Variants in CSGALNACT1 observed in about 807,000 individuals in gnomAD.
CSGALNACT1 encodes chondroitin sulfate N-acetylgalactosaminyltransferase 1, also known as beta4GalNAcT-1.
Under a neutral mutation model 51.0 loss-of-function variants are expected in CSGALNACT1, and 52 were observed. The ratio of observed to expected loss-of-function variants is 1.02; its 90% CI spans 0.82 to 1.29. The LOEUF (loss-of-function observed/expected upper bound fraction) is 1.29, where lower values mean the gene tolerates loss of function less well. Ranked by LOEUF, CSGALNACT1 falls within the 50% of genes most tolerant of loss-of-function variation. The pLI, the probability that CSGALNACT1 is intolerant of heterozygous loss-of-function variation, is 0.00. For missense variants in CSGALNACT1, 935 were observed against 679.2 expected, an observed-to-expected ratio of 1.38 and a Z score of -4.19; for synonymous variants, 341 against 254.4, an observed-to-expected ratio of 1.34 and a Z score of -3.24.
chr8:19,443,654 G>A (rs116724162), intron 5 of CSGALNACT1, among the ~76,000 whole-genome samples: 2 of 152,158 alleles, frequency 1.3e-5, no homozygotes, highest in Non-Finnish European at 2.9e-5. Context: ...AACTGCACTC[G>A]TGATTCAATG....
In CSGALNACT1 at chr8:19,471,140, G is replaced by GA. The variant is rs1364971071; in HGVS notation, c.635-12499dup. Among the ~76,000 whole-genome samples, 39 of 148,736 alleles carry GA rather than the reference G, an allele frequency of 2.6e-4. 1 individual carries two copies. The highest frequency in any genetic ancestry group is 2.3e-3 in the East Asian group (12 of 5,114). Reference sequence around the variant, plus strand: ...AAAGGAGAGAGAGGGGAGAGAGAGAGAAAAAAAAAGGTGAAGTATGATCTT... The same window carrying GA: ...AAAGGAGAGAGAGGGGAGAGAGAGAGAAAAAAAAAAGGTGAAGTATGATCTT... On this transcript the variant is annotated intron_variant, in intron 4 of 9. Coordinates refer to ENST00000454498, the Ensembl canonical transcript of CSGALNACT1.
intron 1 of CSGALNACT1, among the ~76,000 whole-genome samples, chr8:19,638,366 C>T (rs1023660648): frequency 1.3e-5 from 2 of 152,096 alleles, no homozygotes; most frequent in African/African-American, 4.8e-5. Flanking sequence ...CCCCAAGTGG[C>T]GATCACACCC....
chr8:19,755,369 T>C (rs2071779855), intron 1 of CSGALNACT1, among the ~76,000 whole-genome samples: 1 of 144,128 alleles, frequency 6.9e-6, no homozygotes, highest in Non-Finnish European at 1.5e-5. Context: ...GAATAGAAAG[T>C]AGGGTTACAA....
intron 7 of CSGALNACT1, 51 bp from the exon 7 acceptor site, chr8:19,418,801 G>T (rs375164938): frequency 9.1e-6 from 12 of 1,319,988 alleles, no homozygotes; most frequent in Non-Finnish European, 1.3e-5. Context: ...CCAAGTAGTA[G>T]GTTTGTTCCT....
At chr8:19,614,842 G>A (rs1480621297) in intron 1 of CSGALNACT1, among the ~76,000 whole-genome samples, 1 of 152,192 alleles carries the variant, frequency 6.6e-6, no homozygotes, top group African/African-American at 2.4e-5. Flanking sequence ...GCCCTTGCTG[G>A]CCACTGGCTG....
upstream of CSGALNACT1, among the ~76,000 whole-genome samples, chr8:19,603,044 G>GTA (rs1491096288): frequency 1.0e-5 from 1 of 100,258 alleles, no homozygotes; most frequent in Non-Finnish European, 1.9e-5. Context: ...ATTACTGTGT[G>GTA]TATACACACA....
chr8:19,501,926 C>T (rs182144629), intron 4 of CSGALNACT1, among the ~76,000 whole-genome samples: 70 of 152,150 alleles, frequency 4.6e-4, no homozygotes, highest in African/African-American at 9.2e-4. Context: ...ACTGCGATTA[C>T]GTAAGAATCC....
chr8:19,429,859 T>G (rs1164562125), intron 6 of CSGALNACT1, among the ~76,000 whole-genome samples: 1 of 152,230 alleles, frequency 6.6e-6, no homozygotes, highest in African/African-American at 2.4e-5. Flanking sequence ...AGACAAGAGT[T>G]CCAATTTCTC....
intron 1 of CSGALNACT1, among the ~76,000 whole-genome samples, chr8:19,688,047 C>A (rs1418177242): frequency 6.6e-6 from 1 of 152,164 alleles, no homozygotes; most frequent in African/African-American, 2.4e-5. Flanking sequence ...AATCTCACAG[C>A]CCTCCTCTCA....
chr8:19,583,355 G>T (rs765498559), intron 3 of CSGALNACT1, among the ~76,000 whole-genome samples: 10 of 152,100 alleles, frequency 6.6e-5, no homozygotes, highest in Non-Finnish European at 1.3e-4. Context: ...GCCCTCAGAA[G>T]TTCCTTTGGA....
chr8:19,664,646 AAC>A (rs34245346), intron 1 of CSGALNACT1, among the ~76,000 whole-genome samples: 25,530 of 150,488 alleles, frequency 0.17, 2,287 homozygotes, highest in Middle Eastern at 0.22. Flanking sequence ...CAAACACACA[AAC>A]ACACACACAC....
chr8:19,619,305 G>A (rs1201846363), intron 1 of CSGALNACT1, among the ~76,000 whole-genome samples: 2 of 151,920 alleles, frequency 1.3e-5, no homozygotes, highest in Non-Finnish European at 2.9e-5. Context: ...GCAGAGTTTG[G>A]AACCTGTGAG....
At chr8:19,620,334 A>T (rs1417966150) in intron 1 of CSGALNACT1, among the ~76,000 whole-genome samples, 6 of 151,674 alleles carry the variant, frequency 4.0e-5, no homozygotes, top group Non-Finnish European at 8.8e-5. Flanking sequence ...AAAAAAAAAA[A>T]AAAAAGTGCG....
intron 3 of CSGALNACT1, among the ~76,000 whole-genome samples, chr8:19,565,108 T>C (rs2041630469): frequency 1.3e-5 from 2 of 152,208 alleles, no homozygotes; most frequent in Non-Finnish European, 2.9e-5. Context: ...TGCTGAAAAA[T>C]ATCCTTTTCC....
chr8:19,723,431 G>A (rs1017148280), intron 1 of CSGALNACT1, among the ~76,000 whole-genome samples: 2 of 152,132 alleles, frequency 1.3e-5, no homozygotes, highest in Non-Finnish European at 2.9e-5. Context: ...TCAAATGCAA[G>A]GTACCATTCT....
intron 1 of CSGALNACT1, among the ~76,000 whole-genome samples, chr8:19,637,846 T>G (rs1403938282): frequency 2.6e-5 from 4 of 151,668 alleles, no homozygotes; most frequent in Admixed American, 6.6e-5. Flanking sequence ...CCAGTTTTTT[T>G]TTTTTTTTTT....
At chr8:19,644,061 T>G (rs890592492) in intron 1 of CSGALNACT1, among the ~76,000 whole-genome samples, 26 of 152,218 alleles carry the variant, frequency 1.7e-4, no homozygotes, top group African/African-American at 4.8e-4. Flanking sequence ...GAATGCTAAG[T>G]TATGGCATAT....
At chr8:19,612,117 T>C (rs2052347029) in intron 1 of CSGALNACT1, among the ~76,000 whole-genome samples, 1 of 152,118 alleles carries the variant, frequency 6.6e-6, no homozygotes, top group African/African-American at 2.4e-5. Flanking sequence ...CTAAGGCAGA[T>C]GGATCACTTG....
In CSGALNACT1 at chr8:19,623,680, G is replaced by A. The variant is rs1450931381; in HGVS notation, c.-543-21815C>T. 2.6e-5 allele frequency among the ~76,000 whole-genome samples: 4 copies of A among 152,288 alleles called. No homozygotes were observed. In the East Asian group the frequency reaches 5.8e-4, roughly 22 times the overall value. ...TAAAATTGAGCCAGAATAACAGAAAGATGACTGGAAAATCCCCAGGTGTTT... is the reference window on the plus strand; with the variant it reads ...TAAAATTGAGCCAGAATAACAGAAAAATGACTGGAAAATCCCCAGGTGTTT... On this transcript the variant is annotated intron_variant, in intron 1 of 9. Transcript: ENST00000332246.
Sources: allele counts gnomAD v4.1 joint callset (sites outside exome capture counted in the v4.1 genomes callset), GRCh38; gene constraint gnomAD v4.1.1; transcripts MANE v1.5; gene names NCBI Gene and HGNC (gene_info 2026-07-23, HGNC 2026-07-21).